PEPD: variants seen among roughly 807,000 people sequenced by gnomAD.
PEPD encodes the protein peptidase D.
A neutral mutation model predicts 60.7 loss-of-function variants in PEPD; 53 were observed. That is an observed-to-expected ratio of 0.87 (90% CI 0.70 to 1.10). The LOEUF is 1.10. Among genes scored for constraint, PEPD ranks in the 50% least tolerant of loss-of-function variants. The probability of loss-of-function intolerance (pLI) is 0.00; values close to 1 mark genes in which losing one functional copy is unlikely to be tolerated. For synonymous variants in PEPD, 267 were observed against 284.1 expected, an observed-to-expected ratio of 0.94 and a Z score of 0.60; for missense variants, 711 against 711.9, an observed-to-expected ratio of 1.00 and a Z score of 0.01.
chr19:33,455,189 T>C (rs1206734450), intron 9 of PEPD, among the ~76,000 whole-genome samples: 3 of 152,184 alleles, frequency 2.0e-5, no homozygotes, highest in Non-Finnish European at 4.4e-5. Context: ...ATAACGTGCA[T>C]CCATGGTAAC....
chr19:33,433,347 C>T (rs1177776500), intron 9 of PEPD, among the ~76,000 whole-genome samples: 1 of 152,238 alleles, frequency 6.6e-6, no homozygotes, highest in African/African-American at 2.4e-5. Context: ...GGCACGCCCA[C>T]TCCACAAACA....
intron 9 of PEPD, among the ~76,000 whole-genome samples, chr19:33,443,980 G>A (rs919856658): frequency 1.3e-5 from 2 of 151,890 alleles, no homozygotes; most frequent in Admixed American, 6.5e-5. Context: ...GCGTGCGCGC[G>A]CACACACACA....
In PEPD at chr19:33,387,884, A is replaced by T. The variant is rs1968112307; in HGVS notation, c.1344+6T>A. 6.4e-7 allele frequency: 1 copy of T among 1,557,148 alleles called. No homozygotes were observed. The highest frequency in any genetic ancestry group is 8.7e-7 in the Non-Finnish European group (1 of 1,150,996). ...GGGAGCAAGAATGGGGCCCGTGGGC[A>T]CTCACCCCGCCAAAACCGCGAAAGC... On this transcript the variant is annotated splice_donor_region_variant and intron_variant, in intron 14 of 14. Transcript: ENST00000244137.
intron 9 of PEPD, among the ~76,000 whole-genome samples, chr19:33,460,030 C>T (rs545739188): frequency 6.6e-6 from 1 of 152,132 alleles, no homozygotes; most frequent in Non-Finnish European, 1.5e-5. Context: ...GTGCAGCTGC[C>T]CCCCAGCCTT....
chr19:33,480,406 T>TA (rs1970291535), intron 6 of PEPD, among the ~76,000 whole-genome samples: 1 of 152,194 alleles, frequency 6.6e-6, no homozygotes, highest in Non-Finnish European at 1.5e-5. Context: ...TATCAAAAAC[T>TA]AACAAAATTG....
In PEPD at chr19:33,505,548, C is replaced by T. The variant is rs920671242; in HGVS notation, c.330-4547G>A. On this transcript the variant is annotated intron_variant, in intron 3 of 14. Transcript: ENST00000244137. ...CAGAGGCCTGCACGGCAAAGAGGGC[C>T]CCCGACACCCTGCCAATCACAAGGA... is the stretch of plus-strand genomic sequence containing the variant. Among the ~76,000 whole-genome samples, 27 of 152,072 alleles carry T rather than the reference C, an allele frequency of 1.8e-4. No homozygotes were observed. In the East Asian group the frequency reaches 2.1e-3, roughly 12 times the overall value.
intron 4 of PEPD, among the ~76,000 whole-genome samples, chr19:33,493,898 C>T (rs1039005729): frequency 4.6e-5 from 7 of 152,206 alleles, no homozygotes; most frequent in Admixed American, 2.6e-4. Context: ...AGTTACTTCC[C>T]GGCCCAAGCC....
chr19:33,498,011 C>G (rs538228740), intron 4 of PEPD, among the ~76,000 whole-genome samples: 1 of 152,156 alleles, frequency 6.6e-6, no homozygotes, highest in South Asian at 2.1e-4. Flanking sequence ...AGCCTCATAT[C>G]TATGAACGGG....
intron 9 of PEPD, among the ~76,000 whole-genome samples, chr19:33,427,093 G>A (rs370210168): frequency 6.6e-6 from 1 of 152,360 alleles, no homozygotes; most frequent in Non-Finnish European, 1.5e-5. Context: ...CTTGGCTGAA[G>A]GAACAACAGG....
At chr19:33,507,537 G>A (rs563342864) in intron 3 of PEPD, among the ~76,000 whole-genome samples, 20 of 152,274 alleles carry the variant, frequency 1.3e-4, no homozygotes, top group Non-Finnish European at 2.5e-4. Context: ...TGCAGACGGG[G>A]GTGTCGTTTC....
chr19:33,393,668 C>T (rs532509080), intron 12 of PEPD, among the ~76,000 whole-genome samples: 5 of 152,230 alleles, frequency 3.3e-5, no homozygotes, highest in African/African-American at 4.8e-5. Context: ...ATTCCTCCAT[C>T]GCGCATGACC....
At chr19:33,391,554 T>G (rs1968222339) in intron 12 of PEPD, 75 bp from the exon 13 acceptor site, 1 of 1,332,196 alleles carries the variant, frequency 7.5e-7, no homozygotes, top group African/African-American at 1.5e-5. Flanking sequence ...CTGGGAGATG[T>G]GAAGCCCTCA....
chr19:33,468,386 C>A (rs2145281274), intron 7 of PEPD, among the ~76,000 whole-genome samples: 1 of 152,396 alleles, frequency 6.6e-6, no homozygotes, highest in South Asian at 2.1e-4. Context: ...TCTGAGGACG[C>A]AGACCAGCAC....
intron 3 of PEPD, among the ~76,000 whole-genome samples, chr19:33,510,609 C>T (rs975256180): frequency 3.9e-5 from 6 of 152,296 alleles, no homozygotes; most frequent in East Asian, 1.9e-4. Context: ...ACATGTGGGG[C>T]GGCCATGTTG....
chr19:33,490,807 G>A (rs935287783), intron 5 of PEPD, among the ~76,000 whole-genome samples: 1 of 152,130 alleles, frequency 6.6e-6, no homozygotes, highest in Non-Finnish European at 1.5e-5. Flanking sequence ...GGGATTACAG[G>A]TGCGCACCAC....
At chr19:33,427,156 G>C (rs1413798475) in intron 9 of PEPD, among the ~76,000 whole-genome samples, 2 of 152,234 alleles carry the variant, frequency 1.3e-5, no homozygotes, top group African/African-American at 4.8e-5. Context: ...ATGAATGGGG[G>C]TGGCAGTCAC....
chr19:33,462,004 C>T (rs972532653), intron 9 of PEPD, among the ~76,000 whole-genome samples: 4 of 152,212 alleles, frequency 2.6e-5, no homozygotes, highest in South Asian at 2.1e-4. Context: ...AAAAGACACT[C>T]GTCCCCTAAG....
At position 33,413,572 on chromosome 19, in the gene PEPD, T is replaced by A. The variant is rs1029126929; in HGVS notation, c.740+3A>T. Reference sequence around the variant, plus strand: ...CCCAGGGGAGCCAGGGTGCCCCGCTTACCTGCCGCAGATGCAGGTGTAGGA... The same window carrying A: ...CCCAGGGGAGCCAGGGTGCCCCGCTAACCTGCCGCAGATGCAGGTGTAGGA... On this transcript the variant is annotated splice_donor_region_variant and intron_variant, in intron 10 of 14. Transcript: ENST00000244137. The A allele has an allele frequency of 1.4e-5, 21 of 1,553,380 alleles. No individual in the cohort carries two copies. Among genetic ancestry groups the A allele is most frequent in the Non-Finnish European group, 1.7e-5 (19 of 1,142,740 alleles).
At chr19:33,519,914 A>G (rs1971099631) in intron 1 of PEPD, among the ~76,000 whole-genome samples, 1 of 152,054 alleles carries the variant, frequency 6.6e-6, no homozygotes, top group Admixed American at 6.5e-5. Context: ...AAAAATACAA[A>G]AAATTAGCTG....
Sources: allele counts gnomAD v4.1 joint callset (sites outside exome capture counted in the v4.1 genomes callset), GRCh38; gene constraint gnomAD v4.1.1; transcripts MANE v1.5; gene names NCBI Gene and HGNC (gene_info 2026-07-23, HGNC 2026-07-21).